RGS6: variants seen among roughly 807,000 people sequenced by gnomAD.
RGS6 encodes regulator of G protein signaling 6.
RGS6 carries 30 observed loss-of-function variants against 78.5 expected under a neutral mutation model. The ratio of observed to expected loss-of-function variants is 0.38; its 90% CI spans 0.29 to 0.52. RGS6 has a LOEUF of 0.52. Among genes scored for constraint, RGS6 ranks in the 20% least tolerant of loss-of-function variants. The probability of loss-of-function intolerance (pLI) is 0.85; values close to 1 mark genes in which losing one functional copy is unlikely to be tolerated. For missense variants in RGS6, 495 were observed against 609.7 expected (o/e 0.81, Z 1.98); for synonymous variants, 206 against 206.0 (o/e 1.00, Z 0.00).
At chr14:72,258,801 T>C (rs763743487) in intron 2 of RGS6, among the ~76,000 whole-genome samples, 17 of 152,084 alleles carry the variant, frequency 1.1e-4, no homozygotes, top group Admixed American at 5.9e-4. Context: ...TACAGCAAGG[T>C]AACATAAATT....
intron 2 of RGS6, among the ~76,000 whole-genome samples, chr14:72,235,038 A>G (rs1389176874): frequency 6.6e-6 from 1 of 152,070 alleles, no homozygotes; most frequent in African/African-American, 2.4e-5. Context: ...CCTAGCTCCC[A>G]TTGCCATCTG....
At chr14:72,001,895 CTTTTT>C (rs59274317) in intron 2 of RGS6, among the ~76,000 whole-genome samples, 25,181 of 92,652 alleles carry the variant, frequency 0.27, 2,311 homozygotes, top group East Asian at 0.41. Context: ...ATCCATTAAT[CTTTTT>C]TTTTTTTTTT....
intron 17 of RGS6, among the ~76,000 whole-genome samples, chr14:72,542,163 T>C (rs767571295): frequency 2.0e-5 from 3 of 152,100 alleles, no homozygotes; most frequent in Non-Finnish European, 4.4e-5. Context: ...CTCTAACAGG[T>C]GATGCATTCA....
chr14:71,941,928 CAGTA>C (rs1310012778), intron 1 of RGS6, among the ~76,000 whole-genome samples: 1 of 152,192 alleles, frequency 6.6e-6, no homozygotes, highest in African/African-American at 2.4e-5. Context: ...CAGGCTTTCA[CAGTA>C]AGCTCCTTAC....
the RGS6 span, among the ~76,000 whole-genome samples, chr14:71,909,629 G>GAGA: frequency 1.4e-5 from 2 of 145,050 alleles, no homozygotes; most frequent in South Asian, 4.2e-4. Context: ...AGGGGGGAAA[G>GAGA]AGAGAGAGAG....
intron 17 of RGS6, among the ~76,000 whole-genome samples, chr14:72,546,759 A>T (rs115667530): frequency 3.8e-4 from 58 of 152,346 alleles, no homozygotes; most frequent in African/African-American, 1.4e-3. Flanking sequence ...TGAGGCAGAA[A>T]GACACAGCTG....
intron 2 of RGS6, among the ~76,000 whole-genome samples, chr14:72,005,469 A>ATCTATCTATCTATCTATCTATC (rs1595960112): frequency 1.2e-4 from 1 of 8,566 alleles, no homozygotes; most frequent in African/African-American, 5.3e-4. Flanking sequence ...ATCTATCTAT[A>ATCTATCTATCTATCTATCTATC]TCTCCCTATT....
At chr14:72,268,813 A>T (rs758772189) in intron 2 of RGS6, among the ~76,000 whole-genome samples, 8 of 152,202 alleles carry the variant, frequency 5.3e-5, no homozygotes, top group Non-Finnish European at 1.2e-4. Flanking sequence ...GCTTTATACC[A>T]AGAAATATTC....
At chr14:72,237,196 T>C (rs993400267) in intron 2 of RGS6, among the ~76,000 whole-genome samples, 22 of 152,240 alleles carry the variant, frequency 1.4e-4, no homozygotes, top group African/African-American at 5.3e-4. Flanking sequence ...CCCATTTTAG[T>C]GCTGAATCAT....
At chr14:72,285,869 G>T (rs1354384150) in intron 2 of RGS6, among the ~76,000 whole-genome samples, 1 of 152,028 alleles carries the variant, frequency 6.6e-6, no homozygotes, top group African/African-American at 2.4e-5. Context: ...TTATTTTCTT[G>T]CCATTGAGTT....
At chr14:72,515,153 A>G (rs1238633730) in intron 14 of RGS6, among the ~76,000 whole-genome samples, 1 of 152,124 alleles carries the variant, frequency 6.6e-6, no homozygotes, top group Admixed American at 6.5e-5. Flanking sequence ...GGCCAGGGAG[A>G]GTCCCCAGTG....
At chr14:72,437,167 CAAAAAA>C (rs71109735) in intron 3 of RGS6, among the ~76,000 whole-genome samples, 14 of 75,038 alleles carry the variant, frequency 1.9e-4, no homozygotes, top group Non-Finnish European at 2.2e-4. Flanking sequence ...ACTAAAAATA[CAAAAAA>C]AAAAAAAAAA....
At chr14:71,917,885 G>A in the RGS6 span, among the ~76,000 whole-genome samples, 3 of 152,022 alleles carry the variant, frequency 2.0e-5, no homozygotes, top group African/African-American at 7.3e-5. Flanking sequence ...GTCAATTTAA[G>A]CTTCTCGGCC....
intron 15 of RGS6, among the ~76,000 whole-genome samples, chr14:72,535,470 A>G (rs1361341434): frequency 6.6e-6 from 1 of 152,204 alleles, no homozygotes; most frequent in Admixed American, 6.5e-5. Flanking sequence ...GTTTGCCCCA[A>G]TGGCAACATC....
At chr14:72,348,425 A>C (rs1263699128) in intron 2 of RGS6, among the ~76,000 whole-genome samples, 1 of 152,222 alleles carries the variant, frequency 6.6e-6, no homozygotes, top group Non-Finnish European at 1.5e-5. Flanking sequence ...ATTGATCATG[A>C]AATAGATGTT....
chr14:72,146,776 ACTTT>A (rs2096612455), intron 2 of RGS6, among the ~76,000 whole-genome samples: 1 of 152,156 alleles, frequency 6.6e-6, no homozygotes, highest in African/African-American at 2.4e-5. Context: ...CAAAACTTTT[ACTTT>A]CTTCTTCCCT....
At chr14:72,039,295 C>T (rs940851277) in intron 2 of RGS6, among the ~76,000 whole-genome samples, 6 of 152,092 alleles carry the variant, frequency 3.9e-5, no homozygotes, top group African/African-American at 1.4e-4. Flanking sequence ...CAAAGATAAG[C>T]TGGTAGTTGA....
intron 2 of RGS6, among the ~76,000 whole-genome samples, chr14:72,246,555 A>G (rs1808640107): frequency 6.6e-6 from 1 of 152,222 alleles, no homozygotes; most frequent in Non-Finnish European, 1.5e-5. Context: ...TACAAAATTT[A>G]ATAAAAGACT....
chr14:72,440,890 GTC>G lies in RGS6; in HGVS notation c.185-13636_185-13635del, dbSNP rs2095169247. Among the ~76,000 whole-genome samples, 9 of 152,278 alleles carry G rather than the reference GTC, an allele frequency of 5.9e-5. No individual in the cohort carries two copies. The South Asian group carries it at 1.9e-3, about 32-fold the overall frequency. On this transcript the variant is annotated intron_variant, in intron 3 of 17. Coordinates refer to ENST00000553525, the MANE Select transcript of RGS6 (RefSeq NM_001204424.2). ...CATATGTGAGGGTTGTGTGTCTTGT[GTC>G]TATGCACATGCGCAGGTGTGTAAGT... is the stretch of plus-strand genomic sequence containing the variant.
Sources: allele counts gnomAD v4.1 joint callset (sites outside exome capture counted in the v4.1 genomes callset), GRCh38; gene constraint gnomAD v4.1.1; transcripts MANE v1.5; gene names NCBI Gene and HGNC (gene_info 2026-07-23, HGNC 2026-07-21).